AGMO: variants seen among roughly 807,000 people sequenced by gnomAD.
AGMO encodes the protein alkylglycerol monooxygenase, also known as glyceryl-ether monooxygenase.
AGMO carries 75 observed loss-of-function variants against 60.2 expected under a neutral mutation model. The observed-to-expected ratio is 1.25, with a 90% CI of 1.03 to 1.51. AGMO has a LOEUF of 1.51. Ranked by LOEUF, AGMO falls within the 40% of genes most tolerant of loss-of-function variation. AGMO has a pLI of 0.00. For synonymous variants in AGMO, 261 were observed against 177.1 expected (o/e 1.47, Z -3.76); for missense variants, 763 against 525.5 (o/e 1.45, Z -4.42).
At chr7:15,257,581 T>C (rs898222465) in intron 12 of AGMO, among the ~76,000 whole-genome samples, 5 of 152,200 alleles carry the variant, frequency 3.3e-5, no homozygotes, top group African/African-American at 1.2e-4. Context: ...CTCTGATGAT[T>C]AGAAATACAA....
intron 12 of AGMO, among the ~76,000 whole-genome samples, chr7:15,291,309 A>G (rs1444976558): frequency 6.6e-6 from 1 of 152,200 alleles, no homozygotes; most frequent in East Asian, 1.9e-4. Context: ...AACAACTTTT[A>G]TCCATTATAT....
In AGMO at chr7:15,338,875, C is replaced by T. The variant is rs905068972; in HGVS notation, c.1263+26639G>A. On this transcript the variant is annotated intron_variant, in intron 12 of 12. Coordinates refer to ENST00000342526, the MANE Select transcript of AGMO (RefSeq NM_001004320.2). ...CTACCCAGTGTCTTTATATGTTTAA[C>T]TGTAAAATAAGCATTTACACCTTAA... Among the ~76,000 whole-genome samples the T allele has an allele frequency of 3.9e-5, 6 of 152,142 alleles. No homozygotes were observed. The East Asian group carries it at 1.2e-3, about 29-fold the overall frequency.
chr7:15,529,667 C>CTGTATATAGAATATATATATAG (rs1554283126), intron 3 of AGMO, among the ~76,000 whole-genome samples: 1 of 15,034 alleles, frequency 6.7e-5, no homozygotes, highest in Non-Finnish European at 1.3e-4. Flanking sequence ...TATATATATT[C>CTGTATATAGAATATATATATAG]TATATATATT....
At chr7:15,438,277 G>A (rs1382740596) in intron 3 of AGMO, among the ~76,000 whole-genome samples, 4 of 151,550 alleles carry the variant, frequency 2.6e-5, no homozygotes, top group African/African-American at 7.3e-5. Context: ...ATAAATATTA[G>A]TGATTATAAA....
intron 12 of AGMO, among the ~76,000 whole-genome samples, chr7:15,307,075 T>C (rs10250002): frequency 0.017 from 2,618 of 152,156 alleles, 59 homozygotes; most frequent in African/African-American, 0.06. Context: ...ATTTGTAATT[T>C]TGCAGTTCAC....
At chr7:15,395,841 T>G (rs943807800) in intron 5 of AGMO, among the ~76,000 whole-genome samples, 2 of 152,230 alleles carry the variant, frequency 1.3e-5, no homozygotes, top group Non-Finnish European at 2.9e-5. Flanking sequence ...CGTTTGTTTT[T>G]TGACAACCTC....
chr7:15,307,510 CAGTAA>C (rs1780650444), intron 12 of AGMO, among the ~76,000 whole-genome samples: 1 of 151,770 alleles, frequency 6.6e-6, no homozygotes, highest in South Asian at 2.1e-4. Context: ...TGAAATAAAT[CAGTAA>C]AGTATACTAG....
intron 12 of AGMO, among the ~76,000 whole-genome samples, chr7:15,356,217 ACT>A (rs1782524318): frequency 6.6e-6 from 1 of 152,134 alleles, no homozygotes; most frequent in Non-Finnish European, 1.5e-5. Context: ...AACTAGAGAA[ACT>A]CTACATACAT....
chr7:15,390,969 A>G (rs936848238), intron 6 of AGMO, 64 bp from the exon 7 acceptor site: 40 of 999,600 alleles, frequency 4.0e-5, no homozygotes, highest in Non-Finnish European at 5.5e-5. Context: ...AGATACTTCC[A>G]TCTTGTTTTT....
intron 12 of AGMO, among the ~76,000 whole-genome samples, chr7:15,322,649 AAT>A (rs1164961835): frequency 0.01 from 491 of 47,376 alleles, 76 homozygotes; most frequent in African/African-American, 0.026. Flanking sequence ...TAAATATATA[AAT>A]ATATATATAA....
chr7:15,346,650 CAG>C (rs1161967995), intron 12 of AGMO, among the ~76,000 whole-genome samples: 1 of 150,848 alleles, frequency 6.6e-6, no homozygotes, highest in Non-Finnish European at 1.5e-5. Context: ...AAGTTATACT[CAG>C]AAATATCCAA....
At chr7:15,152,562 T>G in the AGMO span, among the ~76,000 whole-genome samples, 1 of 152,182 alleles carries the variant, frequency 6.6e-6, no homozygotes, top group East Asian at 1.9e-4. Context: ...TCCTCATAGC[T>G]TAACTCCCAA....
At chr7:15,226,154 C>T (rs190733988) in intron 12 of AGMO, among the ~76,000 whole-genome samples, 88 of 152,070 alleles carry the variant, frequency 5.8e-4, no homozygotes, top group Non-Finnish European at 8.7e-4. Flanking sequence ...TCTTATCAAA[C>T]CTGAGCTTGG....
intron 10 of AGMO, among the ~76,000 whole-genome samples, chr7:15,372,616 AACTAC>A (rs1320812493): frequency 1.3e-5 from 2 of 152,172 alleles, no homozygotes; most frequent in African/African-American, 4.8e-5. Context: ...ACCACTGGCC[AACTAC>A]ACTAGAGCAA....
chr7:15,339,134 C>T (rs1388780681), intron 12 of AGMO, among the ~76,000 whole-genome samples: 2 of 152,128 alleles, frequency 1.3e-5, no homozygotes, highest in Non-Finnish European at 2.9e-5. Context: ...AACTACCAGA[C>T]TAACCATGAA....
the AGMO span, among the ~76,000 whole-genome samples, chr7:15,175,178 G>T: frequency 6.6e-6 from 1 of 151,684 alleles, no homozygotes; most frequent in African/African-American, 2.4e-5. Flanking sequence ...TTAAATTTGG[G>T]TTTTAAATTT....
the AGMO span, among the ~76,000 whole-genome samples, chr7:15,134,389 G>T: frequency 1.5e-4 from 23 of 152,114 alleles, no homozygotes; most frequent in Admixed American, 1.4e-3. Context: ...GTCCAGGCTG[G>T]TCTCAAACTC....
intron 12 of AGMO, among the ~76,000 whole-genome samples, chr7:15,323,171 A>C (rs548745316): frequency 1.2e-4 from 18 of 152,100 alleles, no homozygotes; most frequent in African/African-American, 4.3e-4. Context: ...AGAGATGATA[A>C]GCGAATGATC....
At chr7:15,357,166 A>G (rs73300311) in intron 12 of AGMO, among the ~76,000 whole-genome samples, 2,603 of 149,416 alleles carry the variant, frequency 0.017, 67 homozygotes, top group African/African-American at 0.06. Flanking sequence ...AGATGAGTCA[A>G]AATTGCTCTA....
Sources: allele counts gnomAD v4.1 joint callset (sites outside exome capture counted in the v4.1 genomes callset), GRCh38; gene constraint gnomAD v4.1.1; transcripts MANE v1.5; gene names NCBI Gene and HGNC (gene_info 2026-07-23, HGNC 2026-07-21).